Variants in KIRREL3 observed in about 807,000 individuals in gnomAD.
The protein encoded by KIRREL3 is kin of IRRE-like protein 3.
In KIRREL3, 36 loss-of-function variants were observed where a neutral mutation model predicts 89.7. That is an observed-to-expected ratio of 0.40 (90% CI 0.31 to 0.53). The LOEUF is 0.53. Among genes scored for constraint, KIRREL3 ranks in the 20% least tolerant of loss-of-function variants. KIRREL3 has a pLI of 0.49. For missense variants in KIRREL3, 864 were observed against 1,056.6 expected (o/e 0.82, Z 2.53); for synonymous variants, 445 against 441.4 (o/e 1.01, Z -0.10).
chr11:126,946,358 G>A lies in KIRREL3; in HGVS notation c.55+54097C>T, dbSNP rs1948619601. ...CATGCCACCATACTGGGAGTTGCAA[G>A]ACCTGGTTTGGTCCTCATGCATTGG... On this transcript the variant is annotated intron_variant, in intron 1 of 16. Transcript: ENST00000525144. The surrounding 1 kb of genome is among the most constrained non-coding windows in gnomAD (Gnocchi z 4.1). Among the ~76,000 whole-genome samples, 1 of 152,178 alleles carries A rather than the reference G, an allele frequency of 6.6e-6. No homozygotes were observed. Among genetic ancestry groups the A allele is most frequent in the Non-Finnish European group, 1.5e-5 (1 of 68,034 alleles).
intron 1 of KIRREL3, among the ~76,000 whole-genome samples, chr11:126,863,462 C>T (rs1368702062): frequency 7.5e-6 from 1 of 132,522 alleles, no homozygotes. Flanking sequence ...TGTTTGAGTG[C>T]GTGTGTGTGT....
chr11:126,896,481 C>T lies in KIRREL3; in HGVS notation c.55+103974G>A, dbSNP rs1946163021. Among the ~76,000 whole-genome samples, 2 of 152,202 alleles carry T rather than the reference C, an allele frequency of 1.3e-5. No homozygotes were observed. The highest frequency in any genetic ancestry group is 2.1e-4 in the South Asian group (1 of 4,826). On this transcript the variant is annotated intron_variant, in intron 1 of 16. Coordinates refer to ENST00000525144, the MANE Select transcript of KIRREL3 (RefSeq NM_032531.4). The surrounding 1 kb of genome is among the most constrained non-coding windows in gnomAD (Gnocchi z 4.1). ...TACAGACAGGCATGCTGTCATCAGA[C>T]TTCCAATCTTTACTCTGAATGAGAA... is the stretch of plus-strand genomic sequence containing the variant.
At chr11:126,799,809 G>A (rs1167533286) in intron 1 of KIRREL3, among the ~76,000 whole-genome samples, 4 of 152,122 alleles carry the variant, frequency 2.6e-5, no homozygotes, top group Non-Finnish European at 5.9e-5. Flanking sequence ...TTCTTATGGA[G>A]ACACTAAAAG....
At chr11:126,444,918 CA>C (rs1955730733) in intron 10 of KIRREL3, 60 bp downstream of exon 10, 2 of 1,603,076 alleles carry the variant, frequency 1.2e-6, no homozygotes, top group Non-Finnish European at 1.7e-6. Flanking sequence ...TGCCTGGTGC[CA>C]AGATGCCTGA....
chr11:126,682,862 C>G lies in KIRREL3; in HGVS notation c.56-119950G>C, dbSNP rs140971013. On this transcript the variant is annotated intron_variant, in intron 1 of 16. Transcript: ENST00000525144. The surrounding 1 kb of genome is among the most constrained non-coding windows in gnomAD (Gnocchi z 4.8). Reference sequence around the variant, plus strand: ...CCTAACAGGCTGAGGACCGGTACCCCGGGGCTGGGGATCCCTGTTCTATGA... The same window carrying G: ...CCTAACAGGCTGAGGACCGGTACCCGGGGGCTGGGGATCCCTGTTCTATGA... 6.6e-6 allele frequency among the ~76,000 whole-genome samples: 1 copy of G among 152,222 alleles called. No homozygotes were observed. The highest frequency in any genetic ancestry group is 1.9e-4 in the East Asian group (1 of 5,174).
In KIRREL3 at chr11:126,984,901, C is replaced by T. The variant is rs543117213; in HGVS notation, c.55+15554G>A. ...GAAGAACCCTGGGCTTGGATTTGAACTCCTGGGTTTTCATTTTAACTTTCC... is the reference window on the plus strand; with the variant it reads ...GAAGAACCCTGGGCTTGGATTTGAATTCCTGGGTTTTCATTTTAACTTTCC... On this transcript the variant is annotated intron_variant, in intron 1 of 16. Transcript: ENST00000525144. Among the ~76,000 whole-genome samples the T allele has an allele frequency of 1.3e-4, 20 of 152,308 alleles. No individual in the cohort carries two copies. The South Asian group carries it at 4.2e-3, about 32-fold the overall frequency.
intron 1 of KIRREL3, among the ~76,000 whole-genome samples, chr11:126,798,465 A>T (rs1262217294): frequency 1.3e-5 from 2 of 152,226 alleles, no homozygotes; most frequent in Non-Finnish European, 2.9e-5. Context: ...ACATTTTGGA[A>T]ATAATTTTCC....
chr11:126,886,855 C>T (rs1004931934), intron 1 of KIRREL3, among the ~76,000 whole-genome samples: 5 of 152,166 alleles, frequency 3.3e-5, no homozygotes, highest in African/African-American at 1.2e-4. Flanking sequence ...ATAATGGTCA[C>T]ATTCCTTATT....
Position 126,648,760 on chromosome 11 carries a change from A to G in KIRREL3, c.56-85848T>C, listed in dbSNP as rs944773157. On this transcript the variant is annotated intron_variant, in intron 1 of 16. Coordinates refer to ENST00000525144, the MANE Select transcript of KIRREL3 (RefSeq NM_032531.4). The stretch of plus-strand genomic sequence containing the variant: ...TCAAGAAGCACATGATCAAATAGGA[A>G]CTATATCTAAAATAAATAATGAGCT... 8.4e-5 allele frequency among the ~76,000 whole-genome samples: 6 copies of G among 71,762 alleles called. No individual in the cohort carries two copies. In the East Asian group the frequency reaches 2.3e-3, roughly 27 times the overall value. The allele number at this position is 71,762 out of a possible 152,430, so 47.1% of individuals were successfully genotyped here.
chr11:126,461,240 G>A (rs1956531118), intron 6 of KIRREL3, among the ~76,000 whole-genome samples: 1 of 152,250 alleles, frequency 6.6e-6, no homozygotes, highest in African/African-American at 2.4e-5. Context: ...ACCTTTTCCA[G>A]TGGGGCTTAC....
chr11:126,429,360 TCCCCTG>T lies in KIRREL3; in HGVS notation c.1697-78_1697-73del, dbSNP rs1292619520. 40 of 1,087,644 alleles carry T rather than the reference TCCCCTG, an allele frequency of 3.7e-5. No homozygotes were observed. In the Middle Eastern group the frequency reaches 1.4e-3, roughly 38 times the overall value. The allele number at this position is 1,087,644 out of a possible 1,614,324, so 67.4% of individuals were successfully genotyped here. ...TTTGAGATGTCAAGCTCCCTTGCAG[TCCCCTG>T]CCCCTGCCCTGCCACCCTCTGCATT... On this transcript the variant is annotated intron_variant, in intron 14 of 16. Coordinates refer to ENST00000525144, the MANE Select transcript of KIRREL3 (RefSeq NM_032531.4). This position sits in a 1 kb window ranked among gnomAD's most constrained non-coding sequence, Gnocchi z 5.2.
intron 2 of KIRREL3, among the ~76,000 whole-genome samples, chr11:126,536,229 T>C (rs1937857578): frequency 6.6e-6 from 1 of 152,128 alleles, no homozygotes. Flanking sequence ...GGTTCGTCTT[T>C]GGGGTCCAAA....
chr11:126,487,242 G>T (rs1258294967), intron 4 of KIRREL3, among the ~76,000 whole-genome samples: 1 of 152,150 alleles, frequency 6.6e-6, no homozygotes, highest in Admixed American at 6.5e-5. Context: ...CAGGAGGAGG[G>T]AATAGAGAGG....
At position 126,565,561 on chromosome 11, in the gene KIRREL3, C is replaced by G. The variant is rs144090910; in HGVS notation, c.56-2649G>C. ...CAGAAATTTATTAAGTGCGAGGGCT[C>G]TCTGACTGAGACTTTGTAGAGAAGT... On this transcript the variant is annotated intron_variant, in intron 1 of 16. Coordinates refer to ENST00000525144, the MANE Select transcript of KIRREL3 (RefSeq NM_032531.4). This position sits in a 1 kb window ranked among gnomAD's most constrained non-coding sequence, Gnocchi z 5.4. 2.6e-4 allele frequency among the ~76,000 whole-genome samples: 40 copies of G among 152,280 alleles called. No individual in the cohort carries two copies. The East Asian group carries it at 4.2e-3, about 16-fold the overall frequency.
At position 126,651,049 on chromosome 11, in the gene KIRREL3, G is replaced by A. The variant is rs1009249825; in HGVS notation, c.56-88137C>T. On this transcript the variant is annotated intron_variant, in intron 1 of 16. Transcript: ENST00000525144. The surrounding 1 kb of genome is among the most constrained non-coding windows in gnomAD (Gnocchi z 4.6). ...CATTCACTTCCATGAGAACAGTATG[G>A]GGGAAACCACCCCCATGATTCAAAT... 6.6e-6 allele frequency among the ~76,000 whole-genome samples: 1 copy of A among 152,120 alleles called. No individual in the cohort carries two copies. Among genetic ancestry groups the A allele is most frequent in the African/African-American group, 2.4e-5 (1 of 41,414 alleles).
intron 1 of KIRREL3, among the ~76,000 whole-genome samples, chr11:126,886,984 G>C (rs1489710615): frequency 6.6e-6 from 1 of 152,106 alleles, no homozygotes; most frequent in Non-Finnish European, 1.5e-5. Context: ...TTCTGAGCAG[G>C]CTCCAGAAAG....
intron 1 of KIRREL3, among the ~76,000 whole-genome samples, chr11:126,720,204 G>A (rs954031106): frequency 6.6e-6 from 1 of 152,164 alleles, no homozygotes; most frequent in African/African-American, 2.4e-5. Context: ...TTGAGGGCAG[G>A]GGCTTAATGT....
chr11:126,954,987 G>A lies in KIRREL3; in HGVS notation c.55+45468C>T, dbSNP rs917858854. 2.6e-5 allele frequency among the ~76,000 whole-genome samples: 4 copies of A among 152,118 alleles called. No homozygotes were observed. Among genetic ancestry groups the A allele is most frequent in the African/African-American group, 7.2e-5 (3 of 41,428 alleles). Reference sequence around the variant, plus strand: ...AGTGGTTCATACAGATGTGTTACACGTGCCCTAGCTCAGCTGAGGCTGAGA... The same window carrying A: ...AGTGGTTCATACAGATGTGTTACACATGCCCTAGCTCAGCTGAGGCTGAGA... On this transcript the variant is annotated intron_variant, in intron 1 of 16. Transcript: ENST00000525144. This position sits in a 1 kb window ranked among gnomAD's most constrained non-coding sequence, Gnocchi z 4.1.
intron 1 of KIRREL3, among the ~76,000 whole-genome samples, chr11:126,720,442 A>G (rs1948126159): frequency 6.6e-6 from 1 of 152,208 alleles, no homozygotes; most frequent in South Asian, 2.1e-4. Flanking sequence ...AAATCCCTCA[A>G]AGAAAGATTT....
Sources: gnomAD v4.1 joint callset for allele counts (sites outside exome capture counted in the v4.1 genomes callset) on GRCh38, gnomAD v4.1.1 for gene constraint, Gnocchi (gnomAD v3.1) non-coding constraint, MANE v1.5 for transcripts, NCBI Gene and HGNC (gene_info 2026-07-23, HGNC 2026-07-21) for gene names.